The following ABHD2 variants were observed in gnomAD, a reference collection of about 807,000 sequenced individuals.
ABHD2 encodes the protein monoacylglycerol lipase ABHD2.
ABHD2 carries 20 observed loss-of-function variants against 48.1 expected under a neutral mutation model. The observed-to-expected ratio is 0.42, with a 90% CI of 0.29 to 0.60. The LOEUF is 0.60. ABHD2 is among the 20% of genes least tolerant of loss of function. The probability of loss-of-function intolerance (pLI) is 0.24; values close to 1 mark genes in which losing one functional copy is unlikely to be tolerated. For missense variants in ABHD2, 405 were observed against 550.9 expected (o/e 0.74, Z 2.65); for synonymous variants, 209 against 214.2 (o/e 0.98, Z 0.21).
chr15:89,073,900 T>C, the ABHD2 span, among the ~76,000 whole-genome samples: 2 of 152,130 alleles, frequency 1.3e-5, no homozygotes, highest in African/African-American at 4.8e-5. Flanking sequence ...TTAGAACTAC[T>C]CTTTTTGTTA....
intron 3 of ABHD2, among the ~76,000 whole-genome samples, chr15:89,125,270 G>GTT (rs1391545793): frequency 6.6e-6 from 1 of 151,404 alleles, no homozygotes; most frequent in Non-Finnish European, 1.5e-5. Flanking sequence ...AAAAAAAAGA[G>GTT]TTGTGCAAAT....
At chr15:89,066,537 TA>T in the ABHD2 span, among the ~76,000 whole-genome samples, 1 of 152,172 alleles carries the variant, frequency 6.6e-6, no homozygotes, top group Non-Finnish European at 1.5e-5. Context: ...TACCAGGGGT[TA>T]GGACTTGAAC....
intron 1 of ABHD2, among the ~76,000 whole-genome samples, chr15:89,093,062 C>T (rs565703946): frequency 2.0e-5 from 3 of 152,116 alleles, no homozygotes; most frequent in South Asian, 2.1e-4. Context: ...TTCGCCTTGC[C>T]GTCTGTGCAG....
At chr15:89,132,472 T>C (rs2050235814) in intron 3 of ABHD2, among the ~76,000 whole-genome samples, 1 of 152,226 alleles carries the variant, frequency 6.6e-6, no homozygotes, top group Admixed American at 6.5e-5. Flanking sequence ...TATATATCTC[T>C]ATCTGAGCAC....
chr15:89,104,407 G>A lies in ABHD2; in HGVS notation c.-106-9318G>A, dbSNP rs899587276. The stretch of plus-strand genomic sequence containing the variant: ...GGTCGTGGCCCATTGGTCATTGGTC[G>A]GGTTTCCTCACAAATGCCTGCCATG... On this transcript the variant is annotated intron_variant, in intron 1 of 10. Transcript: ENST00000352732. The surrounding 1 kb of genome is among the most constrained non-coding windows in gnomAD (Gnocchi z 4.4). 8 of 152,084 alleles carry A rather than the reference G, an allele frequency of 5.3e-5. No homozygotes were observed. The highest frequency in any genetic ancestry group is 1.7e-4 in the African/African-American group (7 of 41,380). The allele number at this position is 152,084 out of a possible 1,614,324, so 9.4% of individuals were successfully genotyped here.
At position 89,092,728 on chromosome 15, in the gene ABHD2, T is replaced by C. The variant is rs796888880; in HGVS notation, c.-107+4165T>C. Among the ~76,000 whole-genome samples, 5 of 152,310 alleles carry C rather than the reference T, an allele frequency of 3.3e-5. No individual in the cohort carries two copies. Among genetic ancestry groups the C allele is most frequent in the African/African-American group, 1.2e-4 (5 of 41,586 alleles). ...TGTACACCACCCCTTTTTGCAGAAA[T>C]GGTAGCACACTGCATACATGCTATT... On this transcript the variant is annotated intron_variant, in intron 1 of 10. Transcript: ENST00000352732. This position sits in a 1 kb window ranked among gnomAD's most constrained non-coding sequence, Gnocchi z 4.4.
chr15:89,063,128 C>T, the ABHD2 span, among the ~76,000 whole-genome samples: 27 of 151,280 alleles, frequency 1.8e-4, no homozygotes, highest in South Asian at 4.2e-4. Context: ...CCACCATGCC[C>T]GGCTAATTTT....
In ABHD2 at chr15:89,120,880, G is replaced by A. The variant is rs1032710524; in HGVS notation, c.194+4359G>A. On this transcript the variant is annotated intron_variant, in intron 3 of 10. Coordinates refer to ENST00000352732, the MANE Select transcript of ABHD2 (RefSeq NM_152924.5). The surrounding 1 kb of genome is among the most constrained non-coding windows in gnomAD (Gnocchi z 4.2). ...AATTATAATTCTACCCAGAGATAAT[G>A]CACTATTAATATGTGGGCAATCATC... is the stretch of plus-strand genomic sequence containing the variant. 2.0e-5 allele frequency: 3 copies of A among 152,138 alleles called. No individual in the cohort carries two copies. Among genetic ancestry groups the A allele is most frequent in the Non-Finnish European group, 4.4e-5 (3 of 68,036 alleles). 9.4% of individuals were successfully genotyped at this position (152,138 alleles called of 1,614,324 possible).
At chr15:89,050,120 G>A in the ABHD2 span, among the ~76,000 whole-genome samples, 1 of 152,150 alleles carries the variant, frequency 6.6e-6, no homozygotes, top group Non-Finnish European at 1.5e-5. Flanking sequence ...AAGACAAAGG[G>A]TTCATCCACC....
chr15:89,154,809 C>T (rs1182457245), intron 4 of ABHD2, among the ~76,000 whole-genome samples: 1 of 152,078 alleles, frequency 6.6e-6, no homozygotes, highest in African/African-American at 2.4e-5. Context: ...TTGTGTTCAG[C>T]CATATGCAAA....
intron 1 of ABHD2, among the ~76,000 whole-genome samples, chr15:89,095,849 T>C (rs550549294): frequency 4.7e-4 from 72 of 152,348 alleles, no homozygotes; most frequent in Non-Finnish European, 8.2e-4. Flanking sequence ...GAAAATGTTT[T>C]ACAAGCCTGT....
the ABHD2 span, among the ~76,000 whole-genome samples, chr15:89,070,508 G>A: frequency 6.6e-6 from 1 of 152,180 alleles, no homozygotes; most frequent in Non-Finnish European, 1.5e-5. Flanking sequence ...TTGGTCTGGA[G>A]ATGCGGAACT....
At position 89,176,093 on chromosome 15, in the gene ABHD2, CTG is replaced by C. The variant is rs2051008640; in HGVS notation, c.722+101_722+102del. ...ACTGTTCTGTGAAGACCGGGGAACA[CTG>C]TGGCCGACTGAGTAGAAGTTTCTGA... is the stretch of plus-strand genomic sequence containing the variant. On this transcript the variant is annotated intron_variant, in intron 6 of 10. Coordinates refer to ENST00000352732, the MANE Select transcript of ABHD2 (RefSeq NM_152924.5). The surrounding 1 kb of genome is among the most constrained non-coding windows in gnomAD (Gnocchi z 4.5). The C allele has an allele frequency of 7.9e-7, 1 of 1,272,204 alleles. No individual in the cohort carries two copies. Among genetic ancestry groups the C allele is most frequent in the African/African-American group, 1.5e-5 (1 of 66,478 alleles). The allele number at this position is 1,272,204 out of a possible 1,614,324, so 78.8% of individuals were successfully genotyped here.
At chr15:89,080,150 C>T in the ABHD2 span, among the ~76,000 whole-genome samples, 2 of 152,200 alleles carry the variant, frequency 1.3e-5, no homozygotes, top group Non-Finnish European at 2.9e-5. Context: ...CAGCACTCTG[C>T]TCATAAAGCC....
In ABHD2 at chr15:89,146,478, A is replaced by T. The variant is rs1161202332; in HGVS notation, c.195-5199A>T. ...CTGACCAATTCTCTTAGTAAGCCAG[A>T]TGTCGATTATAAATAGGCTCAGAAG... is the stretch of plus-strand genomic sequence containing the variant. On this transcript the variant is annotated intron_variant, in intron 3 of 10. Coordinates refer to ENST00000352732, the MANE Select transcript of ABHD2 (RefSeq NM_152924.5). This position sits in a 1 kb window ranked among gnomAD's most constrained non-coding sequence, Gnocchi z 4.2. 6.6e-6 allele frequency among the ~76,000 whole-genome samples: 1 copy of T among 151,786 alleles called. No individual in the cohort carries two copies. The highest frequency in any genetic ancestry group is 1.5e-5 in the Non-Finnish European group (1 of 67,982).
At chr15:89,054,850 T>G in the ABHD2 span, among the ~76,000 whole-genome samples, 1 of 146,040 alleles carries the variant, frequency 6.8e-6, no homozygotes, top group Non-Finnish European at 1.5e-5. Flanking sequence ...TTTAAACAGC[T>G]CTAAAAAAAC....
At chr15:89,139,648 G>A (rs1056825949) in intron 3 of ABHD2, among the ~76,000 whole-genome samples, 3 of 152,166 alleles carry the variant, frequency 2.0e-5, no homozygotes, top group African/African-American at 7.2e-5. Context: ...TCCTAGTTGG[G>A]CATCCTCAGT....
the ABHD2 span, among the ~76,000 whole-genome samples, chr15:89,071,718 T>A: frequency 6.6e-6 from 1 of 152,180 alleles, no homozygotes; most frequent in Non-Finnish European, 1.5e-5. Flanking sequence ...ACTCCCAGAT[T>A]CCCTAGCTCA....
At chr15:89,075,612 T>C in the ABHD2 span, among the ~76,000 whole-genome samples, 1 of 151,634 alleles carries the variant, frequency 6.6e-6, no homozygotes, top group African/African-American at 2.4e-5. This position sits in a 1 kb window ranked among gnomAD's most constrained non-coding sequence, Gnocchi z 4.1. Flanking sequence ...CCAGGAAGAG[T>C]TTGAATGTTA....
Sources: gnomAD v4.1 joint callset for allele counts (sites outside exome capture counted in the v4.1 genomes callset) on GRCh38, gnomAD v4.1.1 for gene constraint, Gnocchi (gnomAD v3.1) non-coding constraint, MANE v1.5 for transcripts, NCBI Gene and HGNC (gene_info 2026-07-23, HGNC 2026-07-21) for gene names.